Variants in SH3PXD2A observed in about 807,000 individuals in gnomAD.
SH3PXD2A encodes SH3 and PX domain-containing protein 2A.
SH3PXD2A carries 32 observed loss-of-function variants against 115.2 expected under a neutral mutation model. That is an observed-to-expected ratio of 0.28 (90% CI 0.21 to 0.37). The LOEUF is 0.37. Ranked by LOEUF, SH3PXD2A falls within the 10% of genes least tolerant of loss-of-function variation. The probability of loss-of-function intolerance (pLI) is 1.00; values close to 1 mark genes in which losing one functional copy is unlikely to be tolerated. For missense variants in SH3PXD2A, 1,328 were observed against 1,498.7 expected (o/e 0.89, Z 1.88); for synonymous variants, 610 against 629.1 (o/e 0.97, Z 0.45).
intron 1 of SH3PXD2A, among the ~76,000 whole-genome samples, chr10:103,850,469 A>G (rs1343174596): frequency 6.6e-6 from 1 of 152,174 alleles, no homozygotes; most frequent in Non-Finnish European, 1.5e-5. Flanking sequence ...GTGCATGTGT[A>G]AGAGAGACAG....
chr10:103,693,234 C>CGCCCGCCG (rs984712001), intron 5 of SH3PXD2A, 178 bp from the exon 6 acceptor site: 7 of 152,666 alleles, frequency 4.6e-5, no homozygotes, highest in East Asian at 2.0e-4. Context: ...CGCGCCCGCC[C>CGCCCGCCG]GCCCGCCCGC....
At chr10:103,810,837 A>AACACAC (rs60455630) in intron 1 of SH3PXD2A, among the ~76,000 whole-genome samples, 7 of 150,192 alleles carry the variant, frequency 4.7e-5, no homozygotes, top group African/African-American at 7.4e-5. Flanking sequence ...CAACACACAC[A>AACACAC]ACACACACAC....
intron 5 of SH3PXD2A, among the ~76,000 whole-genome samples, chr10:103,707,864 T>C (rs1199950522): frequency 6.6e-6 from 1 of 152,136 alleles, no homozygotes; most frequent in East Asian, 1.9e-4. Context: ...CCTACCCTCC[T>C]GCCCTCCTCT....
intron 1 of SH3PXD2A, among the ~76,000 whole-genome samples, chr10:103,843,331 C>T (rs767563749): frequency 2.0e-4 from 30 of 152,212 alleles, no homozygotes; most frequent in Admixed American, 6.5e-5. Context: ...TCTCTTAGTG[C>T]TTACTCTGGT....
chr10:103,789,273 ATGC>A (rs2039010715), intron 2 of SH3PXD2A, among the ~76,000 whole-genome samples: 1 of 152,208 alleles, frequency 6.6e-6, no homozygotes, highest in Non-Finnish European at 1.5e-5. Flanking sequence ...TGCAGGCATG[ATGC>A]AGGTGGTCTA....
At chr10:103,817,781 G>A (rs1438668726) in intron 1 of SH3PXD2A, among the ~76,000 whole-genome samples, 3 of 152,192 alleles carry the variant, frequency 2.0e-5, no homozygotes, top group Non-Finnish European at 2.9e-5. Flanking sequence ...GATGAATCTC[G>A]AAAACATTAT....
intron 5 of SH3PXD2A, among the ~76,000 whole-genome samples, chr10:103,697,776 A>G (rs898597773): frequency 6.6e-6 from 1 of 152,142 alleles, no homozygotes; most frequent in African/African-American, 2.4e-5. Flanking sequence ...CGGATGCTCT[A>G]GTGAAATGGC....
intron 2 of SH3PXD2A, among the ~76,000 whole-genome samples, chr10:103,772,122 C>T (rs2038829466): frequency 6.6e-6 from 1 of 152,234 alleles, no homozygotes; most frequent in African/African-American, 2.4e-5. Context: ...AGAGTTCATT[C>T]TGTGTGGGGC....
At chr10:103,847,834 G>T (rs944061592) in intron 1 of SH3PXD2A, among the ~76,000 whole-genome samples, 9 of 152,140 alleles carry the variant, frequency 5.9e-5, no homozygotes, top group African/African-American at 2.2e-4. Context: ...AGCTACTTGG[G>T]AGGCTAAGGC....
intron 4 of SH3PXD2A, among the ~76,000 whole-genome samples, chr10:103,724,822 C>A (rs1166273247): frequency 6.6e-6 from 1 of 152,122 alleles, no homozygotes; most frequent in Non-Finnish European, 1.5e-5. Context: ...CCCTGGAACC[C>A]TGGGTCTTAG....
intron 2 of SH3PXD2A, among the ~76,000 whole-genome samples, chr10:103,771,876 G>A (rs999070020): frequency 6.6e-6 from 1 of 152,044 alleles, no homozygotes; most frequent in African/African-American, 2.4e-5. Flanking sequence ...GATTCAGCAG[G>A]TCTGGGCAGG....
In SH3PXD2A at chr10:103,714,863, G is replaced by A. The variant is rs1035798380; in HGVS notation, c.398+9407C>T. ...AGAGCCATCTTGATGATAGGTGTCT[G>A]ACCAGAATGCAGCCAGGCATGTGTG... is the stretch of plus-strand genomic sequence containing the variant. On this transcript the variant is annotated intron_variant, in intron 5 of 14. Coordinates refer to ENST00000369774, the MANE Select transcript of SH3PXD2A (RefSeq NM_001394015.1). Among the ~76,000 whole-genome samples, 11 of 152,344 alleles carry A rather than the reference G, an allele frequency of 7.2e-5. No homozygotes were observed. In the East Asian group the frequency reaches 2.1e-3, roughly 29 times the overall value.
chr10:103,633,290 C>T (rs143806644), intron 8 of SH3PXD2A, among the ~76,000 whole-genome samples: 1,876 of 152,074 alleles, frequency 0.012, 47 homozygotes, highest in African/African-American at 0.043. Flanking sequence ...GTGGCCCATG[C>T]CTGTAATCCC....
chr10:103,783,141 CA>C (rs2038948549), intron 2 of SH3PXD2A, among the ~76,000 whole-genome samples: 1 of 152,068 alleles, frequency 6.6e-6, no homozygotes, highest in East Asian at 1.9e-4. Flanking sequence ...AGGAGGGTGA[CA>C]GAGATGGGTC....
intron 5 of SH3PXD2A, among the ~76,000 whole-genome samples, chr10:103,697,914 AT>A (rs762092508): frequency 6.6e-6 from 1 of 151,970 alleles, no homozygotes; most frequent in Non-Finnish European, 1.5e-5. Flanking sequence ...AACTCCCAGG[AT>A]TTATTCTTTG....
intron 1 of SH3PXD2A, among the ~76,000 whole-genome samples, chr10:103,815,481 A>C (rs2039315101): frequency 6.7e-6 from 1 of 149,052 alleles, no homozygotes; most frequent in South Asian, 2.1e-4. Context: ...TATATATATA[A>C]TATACACACA....
chr10:103,801,163 C>A, intron 2 of SH3PXD2A, 119 bp downstream of exon 2: 1 of 661,990 alleles, frequency 1.5e-6, no homozygotes, highest in Non-Finnish European at 2.8e-6. Flanking sequence ...TGTCCCTCTG[C>A]TCCCACCTGG....
At chr10:103,630,803 C>T (rs1031032111) in intron 8 of SH3PXD2A, among the ~76,000 whole-genome samples, 1 of 151,200 alleles carries the variant, frequency 6.6e-6, no homozygotes, top group African/African-American at 2.4e-5. Flanking sequence ...TGACTCAGTC[C>T]TGATTTCCAT....
rs2036128143 is a variant in SH3PXD2A at position 103,596,124 on chromosome 10, G to T, written c.*5692C>A. 4 of 152,164 alleles carry T rather than the reference G, an allele frequency of 2.6e-5. No homozygotes were observed. In the South Asian group the frequency reaches 8.3e-4, roughly 32 times the overall value. The allele number at this position is 152,164 out of a possible 1,614,324, so 9.4% of individuals were successfully genotyped here. The stretch of plus-strand genomic sequence containing the variant: ...TATATGCACCTGCAGGTCTTGTTGG[G>T]TGCACCGTGAGCAAGTTCTCACCCC... On this transcript the variant is annotated 3_prime_UTR_variant, in exon 15 of 15. Transcript: ENST00000369774.
Sources: gnomAD v4.1 joint callset for allele counts (sites outside exome capture counted in the v4.1 genomes callset) on GRCh38, gnomAD v4.1.1 for gene constraint, MANE v1.5 for transcripts, NCBI Gene and HGNC (gene_info 2026-07-23, HGNC 2026-07-21) for gene names.